The following RALGPS1 variants were observed in gnomAD, a reference collection of about 807,000 sequenced individuals.
The protein encoded by RALGPS1 is ras-specific guanine nucleotide-releasing factor RalGPS1.
Under a neutral mutation model 78.8 loss-of-function variants are expected in RALGPS1, and 19 were observed. That is an observed-to-expected ratio of 0.24 (90% CI 0.17 to 0.35). RALGPS1 has a LOEUF of 0.35. RALGPS1 is among the 10% of genes least tolerant of loss of function. The probability of loss-of-function intolerance (pLI) is 1.00; values close to 1 mark genes in which losing one functional copy is unlikely to be tolerated. For synonymous variants in RALGPS1, 228 were observed against 256.3 expected, an observed-to-expected ratio of 0.89 and a Z score of 1.06; for missense variants, 454 against 688.3, an observed-to-expected ratio of 0.66 and a Z score of 3.81.
At chr9:127,015,836 G>T (rs1199334121) in intron 4 of RALGPS1, among the ~76,000 whole-genome samples, 1 of 151,688 alleles carries the variant, frequency 6.6e-6, no homozygotes, top group East Asian at 1.9e-4. Flanking sequence ...CTCCCTCCCT[G>T]CCCTGCTCCA....
At chr9:127,117,722 A>G (rs1414061839) in intron 8 of RALGPS1, among the ~76,000 whole-genome samples, 1 of 152,228 alleles carries the variant, frequency 6.6e-6, no homozygotes. Flanking sequence ...TTCATTCCAC[A>G]GATATCTTTT....
At chr9:126,961,037 C>G (rs1564312213) in intron 1 of RALGPS1, among the ~76,000 whole-genome samples, 2 of 152,178 alleles carry the variant, frequency 1.3e-5, no homozygotes. Context: ...CAGTCTTTGT[C>G]CTCTCCTCGC....
chr9:126,944,670 A>G (rs1416165090), intron 1 of RALGPS1, among the ~76,000 whole-genome samples: 2 of 152,180 alleles, frequency 1.3e-5, no homozygotes, highest in African/African-American at 2.4e-5. Flanking sequence ...TTAGATTTAT[A>G]GAAAGGCTGC....
At chr9:126,966,232 G>A (rs112767130) in intron 3 of RALGPS1, among the ~76,000 whole-genome samples, 1 of 152,100 alleles carries the variant, frequency 6.6e-6, no homozygotes, top group Admixed American at 6.6e-5. Flanking sequence ...AAAAATTCAT[G>A]TACAGACTGG....
At chr9:126,955,830 A>G (rs137858489) in intron 1 of RALGPS1, among the ~76,000 whole-genome samples, 77 of 152,256 alleles carry the variant, frequency 5.1e-4, no homozygotes, top group African/African-American at 9.4e-4. Context: ...CAGTGAGCCA[A>G]TGCATTTCCA....
chr9:127,192,413 T>C (rs1162727433), intron 11 of RALGPS1, among the ~76,000 whole-genome samples: 1 of 152,246 alleles, frequency 6.6e-6, no homozygotes, highest in Non-Finnish European at 1.5e-5. Context: ...GCCTTAGCTG[T>C]GCTGCACTTG....
chr9:127,162,006 G>A (rs973867628), intron 8 of RALGPS1, among the ~76,000 whole-genome samples: 2 of 152,208 alleles, frequency 1.3e-5, no homozygotes, highest in African/African-American at 4.8e-5. Flanking sequence ...GTATGTGCTC[G>A]GTAAGCATTA....
chr9:127,106,598 A>G (rs2137032708), intron 8 of RALGPS1, among the ~76,000 whole-genome samples: 1 of 152,328 alleles, frequency 6.6e-6, no homozygotes, highest in African/African-American at 2.4e-5. Context: ...CAGTGGTGGA[A>G]ACCGGATTTA....
intron 8 of RALGPS1, among the ~76,000 whole-genome samples, chr9:127,138,152 CAT>C (rs1179044017): frequency 1.3e-5 from 2 of 152,158 alleles, no homozygotes; most frequent in African/African-American, 4.8e-5. Flanking sequence ...GGGTAGCGAA[CAT>C]GTGTTCATTT....
chr9:126,958,091 A>G (rs1428145934), intron 1 of RALGPS1, among the ~76,000 whole-genome samples: 1 of 148,160 alleles, frequency 6.7e-6, no homozygotes, highest in African/African-American at 2.5e-5. Context: ...TGATTGCAGC[A>G]CTGCACTCCA....
At chr9:127,108,799 G>A in intron 8 of RALGPS1, 6 of 1,473,026 alleles carry the variant, frequency 4.1e-6, no homozygotes, top group Admixed American at 2.0e-5. Flanking sequence ...AAACAGAGGG[G>A]AGAATCAGTG....
rs774309726 is a variant in RALGPS1, at chr9:127,157,480, C to G, written c.611-8589C>G. On this transcript the variant is annotated intron_variant, in intron 8 of 18. Coordinates refer to ENST00000259351, the MANE Select transcript of RALGPS1 (RefSeq NM_014636.3). ...ATGCTTTGGAGAAGGATTAGTAGGC[C>G]CAGGATATGTGTATACTTGATTTTA... Among the ~76,000 whole-genome samples, 58 of 151,874 alleles carry G rather than the reference C, an allele frequency of 3.8e-4. 1 individual carries two copies. Among genetic ancestry groups the G allele is most frequent in the Non-Finnish European group, 6.9e-4 (47 of 67,818 alleles).
intron 4 of RALGPS1, among the ~76,000 whole-genome samples, chr9:126,982,925 CTTCTTTTTTTTTTT>C (rs1479657171): frequency 7.3e-5 from 4 of 54,648 alleles, no homozygotes; most frequent in Non-Finnish European, 1.3e-4. Context: ...TCTTCTTCTT[CTTCTTTTTTTTTTT>C]TTTTTTTTTT....
chr9:127,008,310 C>A (rs554622948), intron 4 of RALGPS1, among the ~76,000 whole-genome samples: 1 of 152,146 alleles, frequency 6.6e-6, no homozygotes, highest in South Asian at 2.1e-4. Context: ...TTCCATGGAC[C>A]TAATCTTCAT....
rs146548687 is a variant in RALGPS1 at position 127,162,292 on chromosome 9, G to T, written c.611-3777G>T. Among the ~76,000 whole-genome samples the T allele has an allele frequency of 4.1e-3, 627 of 152,314 alleles. 2 individuals are homozygous for T. The highest frequency in any genetic ancestry group is 0.01 in the Middle Eastern group (3 of 294). ...ACAAATGATGCAAACAAGTGTCTGT[G>T]TGCGGTTGTGGGGTGTGCCAACTAC... On this transcript the variant is annotated intron_variant, in intron 8 of 18. Coordinates refer to ENST00000259351, the MANE Select transcript of RALGPS1 (RefSeq NM_014636.3).
chr9:127,002,951 G>T (rs1388667386), intron 4 of RALGPS1, among the ~76,000 whole-genome samples: 5 of 151,940 alleles, frequency 3.3e-5, no homozygotes, highest in African/African-American at 9.7e-5. Flanking sequence ...TAGTCATTTG[G>T]GTATATACCC....
chr9:127,150,921 C>T lies in RALGPS1; in HGVS notation c.611-15148C>T, dbSNP rs545472665. Among the ~76,000 whole-genome samples, 5 of 152,240 alleles carry T rather than the reference C, an allele frequency of 3.3e-5. No homozygotes were observed. The East Asian group carries it at 9.7e-4, about 29-fold the overall frequency. On this transcript the variant is annotated intron_variant, in intron 8 of 18. Transcript: ENST00000259351. ...ATTCAGGGCTGGGCTCGGTGGCTCA[C>T]GCCTGTAATCCCAGCACTTTGGGAG...
intron 4 of RALGPS1, among the ~76,000 whole-genome samples, chr9:126,994,650 C>A (rs1282252722): frequency 6.6e-6 from 1 of 152,114 alleles, no homozygotes; most frequent in Admixed American, 6.6e-5. Flanking sequence ...GCAAGACAGG[C>A]CAACATTCAA....
rs1008858251 is a variant in RALGPS1 at position 126,914,798 on chromosome 9, G to A, written c.-243G>A. ...CCGCCGCTCAGGCCCTGGAGCGGAC[G>A]GTTCCTACTGCGGCTGGGCACCGGC... On this transcript the variant is annotated 5_prime_UTR_variant, in exon 1 of 19. Coordinates refer to ENST00000259351, the MANE Select transcript of RALGPS1 (RefSeq NM_014636.3). 1.3e-5 allele frequency: 2 copies of A among 152,200 alleles called. No homozygotes were observed. The highest frequency in any genetic ancestry group is 1.9e-4 in the East Asian group (1 of 5,190). 9.4% of individuals were successfully genotyped at this position (152,200 alleles called of 1,614,324 possible).
Sources: allele counts gnomAD v4.1 joint callset (sites outside exome capture counted in the v4.1 genomes callset), GRCh38; gene constraint gnomAD v4.1.1; transcripts MANE v1.5; gene names NCBI Gene and HGNC (gene_info 2026-07-23, HGNC 2026-07-21).